The following ADGRL2 variants were observed in gnomAD, a reference collection of about 807,000 sequenced individuals.
ADGRL2 encodes adhesion G protein-coupled receptor L2, also known as calcium-independent alpha-latrotoxin receptor 2.
In ADGRL2, 44 loss-of-function variants were observed where a neutral mutation model predicts 157.4. That is an observed-to-expected ratio of 0.28 (90% CI 0.22 to 0.36). The LOEUF is 0.36. Ranked by LOEUF, ADGRL2 falls within the 10% of genes least tolerant of loss-of-function variation. The pLI is 1.00. For synonymous variants in ADGRL2, 585 were observed against 624.7 expected (o/e 0.94, Z 0.95); for missense variants, 1,510 against 1,768.9 (o/e 0.85, Z 2.63).
chr1:81,401,217 C>A (rs1434115399), intron 1 of ADGRL2, among the ~76,000 whole-genome samples: 1 of 152,120 alleles, frequency 6.6e-6, no homozygotes, highest in African/African-American at 2.4e-5. Context: ...GGAGGCAGTA[C>A]CACTTCAGCT....
At chr1:81,857,631 C>T (rs551728923) in intron 2 of ADGRL2, among the ~76,000 whole-genome samples, 3 of 152,280 alleles carry the variant, frequency 2.0e-5, no homozygotes, top group East Asian at 3.9e-4. Context: ...TCTCTCAAAT[C>T]AGCATCCATT....
intron 2 of ADGRL2, among the ~76,000 whole-genome samples, chr1:81,571,778 T>C (rs936178259): frequency 3.3e-5 from 5 of 152,216 alleles, no homozygotes; most frequent in African/African-American, 7.2e-5. Context: ...GTCTGTATTA[T>C]GAATACTTCA....
At chr1:81,975,301 C>T (rs970379722) in intron 17 of ADGRL2, among the ~76,000 whole-genome samples, 2 of 152,130 alleles carry the variant, frequency 1.3e-5, no homozygotes, top group East Asian at 3.9e-4. Flanking sequence ...TGTTTGTGTG[C>T]GCAGCTGTAA....
chr1:81,779,191 G>GA (rs781244366), intron 2 of ADGRL2, among the ~76,000 whole-genome samples: 20 of 151,210 alleles, frequency 1.3e-4, no homozygotes, highest in Middle Eastern at 3.4e-3. Context: ...TCCACTACAG[G>GA]AAAAAAAACA....
intron 1 of ADGRL2, among the ~76,000 whole-genome samples, chr1:81,750,183 A>C (rs2085443070): frequency 6.6e-6 from 1 of 152,126 alleles, no homozygotes; most frequent in African/African-American, 2.4e-5. Flanking sequence ...TGTTCACCTA[A>C]CCTATGAAGC....
chr1:81,781,668 A>G (rs557983043), intron 2 of ADGRL2, among the ~76,000 whole-genome samples: 10 of 152,320 alleles, frequency 6.6e-5, no homozygotes, highest in African/African-American at 2.4e-4. Flanking sequence ...TATTTAGCCA[A>G]GGATATAGAA....
chr1:81,992,154 T>C lies in ADGRL2; in HGVS notation c.*1009T>C, dbSNP rs1023544675. 2.0e-5 allele frequency: 3 copies of C among 152,598 alleles called. No individual in the cohort carries two copies. Among genetic ancestry groups the C allele is most frequent in the African/African-American group, 7.2e-5 (3 of 41,438 alleles). 9.5% of individuals were successfully genotyped at this position (152,598 alleles called of 1,614,324 possible). On this transcript the variant is annotated 3_prime_UTR_variant, in exon 24 of 24. Coordinates refer to ENST00000686636, the MANE Select transcript of ADGRL2 (RefSeq NM_001366006.2). ...GAGGGCAAAGAGGGCACTGGGCACT[T>C]CTCACAAACTTTCTAGTGAACAAAA...
At chr1:81,528,378 G>T (rs180712074) in intron 2 of ADGRL2, among the ~76,000 whole-genome samples, 1 of 152,226 alleles carries the variant, frequency 6.6e-6, no homozygotes, top group African/African-American at 2.4e-5. Flanking sequence ...CCGGCGCGGT[G>T]GCTCACGCCT....
intron 2 of ADGRL2, among the ~76,000 whole-genome samples, chr1:81,572,232 A>C (rs1291499821): frequency 1.3e-5 from 2 of 152,202 alleles, no homozygotes; most frequent in Non-Finnish European, 2.9e-5. Flanking sequence ...TTTGAGGCCA[A>C]GCATTATATT....
chr1:81,546,199 C>T (rs1185332515), intron 2 of ADGRL2, among the ~76,000 whole-genome samples: 4 of 152,150 alleles, frequency 2.6e-5, no homozygotes, highest in African/African-American at 7.2e-5. Flanking sequence ...TCAATTGTGA[C>T]TATCAAAGCA....
chr1:81,832,128 G>A (rs1259620143), intron 1 of ADGRL2, among the ~76,000 whole-genome samples: 1 of 152,030 alleles, frequency 6.6e-6, no homozygotes, highest in East Asian at 1.9e-4. Flanking sequence ...TTAAGACATT[G>A]TATTTCCTCC....
chr1:81,796,781 A>G (rs1306756485), upstream of ADGRL2, among the ~76,000 whole-genome samples: 1 of 152,198 alleles, frequency 6.6e-6, no homozygotes, highest in Non-Finnish European at 1.5e-5. Flanking sequence ...AAATTATACC[A>G]TTAAACACAA....
intron 3 of ADGRL2, among the ~76,000 whole-genome samples, chr1:81,594,709 T>G (rs2081198873): frequency 6.6e-6 from 1 of 152,178 alleles, no homozygotes; most frequent in South Asian, 2.1e-4. Context: ...AAAAATCCAT[T>G]TAAAAAATTA....
chr1:81,568,014 T>G (rs2080601636), intron 2 of ADGRL2, among the ~76,000 whole-genome samples: 1 of 152,018 alleles, frequency 6.6e-6, no homozygotes, highest in Non-Finnish European at 1.5e-5. Flanking sequence ...TTGCCCAGTT[T>G]TTTCTAATTT....
intron 2 of ADGRL2, among the ~76,000 whole-genome samples, chr1:81,560,521 A>T (rs1392610581): frequency 6.6e-6 from 1 of 152,218 alleles, no homozygotes; most frequent in African/African-American, 2.4e-5. Flanking sequence ...TAAAATAGAG[A>T]CTAAACACAC....
intron 1 of ADGRL2, among the ~76,000 whole-genome samples, chr1:81,381,506 G>T (rs763559384): frequency 6.6e-6 from 1 of 152,058 alleles, no homozygotes; most frequent in Non-Finnish European, 1.5e-5. Context: ...GAGCCCAGGA[G>T]TTTGAGGATG....
At chr1:81,810,840 T>G (rs2089779209) in intron 1 of ADGRL2, among the ~76,000 whole-genome samples, 1 of 151,888 alleles carries the variant, frequency 6.6e-6, no homozygotes, top group African/African-American at 2.4e-5. Context: ...AAATAAAAAT[T>G]ACACTAAAAT....
chr1:81,485,177 CA>C (rs59279416), intron 2 of ADGRL2, among the ~76,000 whole-genome samples: 37,252 of 100,012 alleles, frequency 0.37, 4,802 homozygotes, highest in East Asian at 0.61. Flanking sequence ...TTGAAAAGCA[CA>C]AAAAAAAAAA....
intron 2 of ADGRL2, among the ~76,000 whole-genome samples, chr1:81,877,922 T>C (rs2093884088): frequency 6.6e-6 from 1 of 152,166 alleles, no homozygotes; most frequent in African/African-American, 2.4e-5. Context: ...AAATCTTATT[T>C]GAAAGAAAGA....
Sources: gnomAD v4.1 joint callset for allele counts (sites outside exome capture counted in the v4.1 genomes callset) on GRCh38, gnomAD v4.1.1 for gene constraint, MANE v1.5 for transcripts, NCBI Gene and HGNC (gene_info 2026-07-23, HGNC 2026-07-21) for gene names.